TMOD2: variants seen among roughly 807,000 people sequenced by gnomAD.
The protein encoded by TMOD2 is tropomodulin-2.
In TMOD2, 22 loss-of-function variants were observed where a neutral mutation model predicts 39.9. That is an observed-to-expected ratio of 0.55 (90% CI 0.39 to 0.79). The LOEUF is 0.79. Among genes scored for constraint, TMOD2 ranks in the 30% least tolerant of loss-of-function variants. The pLI is 0.00. For missense variants in TMOD2, 386 were observed against 413.3 expected (o/e 0.93, Z 0.57); for synonymous variants, 123 against 146.1 (o/e 0.84, Z 1.14).
intron 3 of TMOD2, among the ~76,000 whole-genome samples, chr15:51,773,274 A>C (rs4774602): frequency 0.48 from 72,711 of 152,010 alleles, 17,687 homozygotes; most frequent in Admixed American, 0.54. Context: ...GAAGTGTGGT[A>C]TAGAAAGTGG....
chr15:51,808,463 G>A lies in TMOD2; in HGVS notation c.*9G>A. ...AAGCAGACCGAAGGTAAACTTCCTT[G>A]AGGAGAAGTGAAGTTTCACTGTGGT... is the stretch of plus-strand genomic sequence containing the variant. On this transcript the variant is annotated 3_prime_UTR_variant, in exon 10 of 10. Coordinates refer to ENST00000249700, the MANE Select transcript of TMOD2 (RefSeq NM_014548.4). 6.2e-7 allele frequency: 1 copy of A among 1,611,032 alleles called. No homozygotes were observed. The highest frequency in any genetic ancestry group is 8.5e-7 in the Non-Finnish European group (1 of 1,178,198).
At chr15:51,766,775 C>A in intron 2 of TMOD2, 2 of 393,282 alleles carry the variant, frequency 5.1e-6, no homozygotes, top group African/African-American at 2.0e-5. Flanking sequence ...TTCTCAAAAA[C>A]CAGCCCAATG....
chr15:51,807,588 C>T (rs146769056), intron 9 of TMOD2, among the ~76,000 whole-genome samples: 1 of 151,984 alleles, frequency 6.6e-6, no homozygotes, highest in Non-Finnish European at 1.5e-5. Flanking sequence ...GGGTCCACAA[C>T]CAAACAATAT....
intron 5 of TMOD2, among the ~76,000 whole-genome samples, chr15:51,779,707 G>T (rs531085908): frequency 6.6e-5 from 10 of 151,660 alleles, no homozygotes; most frequent in Middle Eastern, 3.4e-3. Flanking sequence ...TTGAGACAGG[G>T]TCTCATTCTG....
chr15:51,808,375 A>T (rs777892061), intron 9 of TMOD2, 45 bp from the exon 10 acceptor site: 18 of 1,498,644 alleles, frequency 1.2e-5, no homozygotes, highest in Non-Finnish European at 1.7e-5. Flanking sequence ...GAATTTAAGG[A>T]ATATCCCTTC....
intron 1 of TMOD2, among the ~76,000 whole-genome samples, chr15:51,765,726 A>G (rs1444724765): frequency 6.6e-6 from 1 of 152,230 alleles, no homozygotes; most frequent in Non-Finnish European, 1.5e-5. Context: ...TAGAACAAAA[A>G]GGAAATGGGA....
chr15:51,785,016 T>A (rs2055958283), intron 7 of TMOD2: 1 of 152,250 alleles, frequency 6.6e-6, no homozygotes, highest in Non-Finnish European at 1.5e-5. Flanking sequence ...GCAACAACTA[T>A]GTGTTGAATG....
chr15:51,803,241 C>T lies in TMOD2; in HGVS notation c.877-3136C>T, dbSNP rs577022536. On this transcript the variant is annotated intron_variant, in intron 8 of 9. Coordinates refer to ENST00000249700, the MANE Select transcript of TMOD2 (RefSeq NM_014548.4). ...TGTCACCCAGGCTGGAGTGCAGTGG[C>T]GCCATCTCGGCTCACTGCAACCTCC... 6.5e-4 allele frequency among the ~76,000 whole-genome samples: 93 copies of T among 142,324 alleles called. 1 individual carries two copies. The highest frequency in any genetic ancestry group is 1.2e-3 in the Non-Finnish European group (81 of 66,988). 93.4% of individuals were successfully genotyped at this position (142,324 alleles called of 152,430 possible). A position where few individuals can be genotyped will look rare whatever the true frequency, so the allele number is the denominator to read the frequency against.
chr15:51,801,283 A>ACACC (rs1484824575), intron 8 of TMOD2, among the ~76,000 whole-genome samples: 116 of 125,928 alleles, frequency 9.2e-4, no homozygotes, highest in Non-Finnish European at 1.3e-3. Context: ...ACACACACAC[A>ACACC]CCCTGTCTCT....
At chr15:51,794,452 T>C (rs1251509995) in intron 7 of TMOD2, among the ~76,000 whole-genome samples, 1 of 152,188 alleles carries the variant, frequency 6.6e-6, no homozygotes, top group African/African-American at 2.4e-5. Flanking sequence ...TACTGGCTCA[T>C]GCCTGTAATC....
chr15:51,791,061 A>C (rs934345135), intron 7 of TMOD2, among the ~76,000 whole-genome samples: 1 of 152,242 alleles, frequency 6.6e-6, no homozygotes, highest in African/African-American at 2.4e-5. Context: ...GAGGAAGTCA[A>C]ATTGTCTCTG....
intron 7 of TMOD2, among the ~76,000 whole-genome samples, chr15:51,792,836 G>A (rs1301951496): frequency 3.3e-5 from 5 of 152,160 alleles, no homozygotes; most frequent in African/African-American, 1.2e-4. Context: ...GACACAGGGA[G>A]GGGAATATCA....
intron 3 of TMOD2, among the ~76,000 whole-genome samples, chr15:51,769,781 T>C (rs2055841078): frequency 6.6e-6 from 1 of 152,276 alleles, no homozygotes; most frequent in Non-Finnish European, 1.5e-5. Flanking sequence ...ACACCTGTAA[T>C]TTCTGCACTT....
intron 7 of TMOD2, among the ~76,000 whole-genome samples, chr15:51,787,802 A>G (rs1307509278): frequency 6.6e-6 from 1 of 152,224 alleles, no homozygotes; most frequent in Non-Finnish European, 1.5e-5. Flanking sequence ...AGAACGGAAT[A>G]GCATCAACAT....
chr15:51,766,846 G>A (rs2055819594), intron 2 of TMOD2: 2 of 230,454 alleles, frequency 8.7e-6, no homozygotes, highest in Non-Finnish European at 8.5e-6. Context: ...AGGGGAAAAA[G>A]AAGGAAAGAG....
At chr15:51,785,209 G>A (rs975936418) in intron 7 of TMOD2, among the ~76,000 whole-genome samples, 16 of 151,394 alleles carry the variant, frequency 1.1e-4, no homozygotes, top group Admixed American at 3.9e-4. Flanking sequence ...TCAGGAGATC[G>A]AGACCATCCT....
intron 1 of TMOD2, among the ~76,000 whole-genome samples, chr15:51,755,071 TC>T (rs781203248): frequency 2.0e-5 from 3 of 152,222 alleles, no homozygotes; most frequent in Non-Finnish European, 2.9e-5. Context: ...TACTTTTTCA[TC>T]CTAAATTTCC....
intron 8 of TMOD2, 47 bp downstream of exon 8, chr15:51,798,387 G>A: frequency 6.3e-7 from 1 of 1,592,836 alleles, no homozygotes; most frequent in Non-Finnish European, 8.5e-7. Context: ...AGGGTGTGCA[G>A]TGAGCGGGGG....
chr15:51,759,945 T>C (rs555515660), intron 1 of TMOD2, among the ~76,000 whole-genome samples: 1 of 152,320 alleles, frequency 6.6e-6, no homozygotes, highest in South Asian at 2.1e-4. Flanking sequence ...TGTGACCTTC[T>C]GGACCCAATC....
Sources: gnomAD v4.1 joint callset for allele counts (sites outside exome capture counted in the v4.1 genomes callset) on GRCh38, gnomAD v4.1.1 for gene constraint, MANE v1.5 for transcripts, NCBI Gene and HGNC (gene_info 2026-07-23, HGNC 2026-07-21) for gene names.